ACVR1B: variants seen among roughly 807,000 people sequenced by gnomAD.
The protein encoded by ACVR1B is activin A receptor type 1B.
ACVR1B carries 15 observed loss-of-function variants against 55.6 expected under a neutral mutation model. That is an observed-to-expected ratio of 0.27 (90% CI 0.18 to 0.42). ACVR1B has a LOEUF of 0.42. Ranked by LOEUF, ACVR1B falls within the 10% of genes least tolerant of loss-of-function variation. ACVR1B has a pLI of 1.00. For synonymous variants in ACVR1B, 247 were observed against 254.6 expected (o/e 0.97, Z 0.28); for missense variants, 359 against 670.1 (o/e 0.54, Z 5.13).
At chr12:51,976,230 A>G (rs1941850683) in intron 2 of ACVR1B, 97 bp from the exon 3 acceptor site, 1 of 1,420,570 alleles carries the variant, frequency 7.0e-7, no homozygotes, top group South Asian at 1.2e-5. Flanking sequence ...CGACAGGGAA[A>G]GGGGTCTTTT....
chr12:51,995,183 G>A lies in ACVR1B; in HGVS notation c.*1073G>A, dbSNP rs1010392716. ...GCCGAGGAATGTGAAGCCAGATCTC[G>A]GGACTCAGATTGGAATGTTACATCT... On this transcript the variant is annotated 3_prime_UTR_variant, in exon 9 of 9. Transcript: ENST00000257963. 6.6e-6 allele frequency: 1 copy of A among 152,580 alleles called. No homozygotes were observed. Among genetic ancestry groups the A allele is most frequent in the Admixed American group, 6.6e-5 (1 of 15,262 alleles). 9.5% of individuals were successfully genotyped at this position (152,580 alleles called of 1,614,324 possible). A position where few individuals can be genotyped will look rare whatever the true frequency, so the allele number is the denominator to read the frequency against.
chr12:51,992,065 TG>T (rs779833112), intron 8 of ACVR1B, 72 bp downstream of exon 8: 2 of 1,604,994 alleles, frequency 1.2e-6, no homozygotes, highest in Non-Finnish European at 1.7e-6. Context: ...TTCTTGACAA[TG>T]GGGTCAGGCC....
chr12:51,958,314 G>A (rs1941450574), intron 1 of ACVR1B, among the ~76,000 whole-genome samples: 4 of 152,172 alleles, frequency 2.6e-5, no homozygotes, highest in Admixed American at 2.0e-4. Flanking sequence ...ATCAGGGACT[G>A]GTTTCGTGGA....
intron 4 of ACVR1B, among the ~76,000 whole-genome samples, chr12:51,982,099 G>T (rs1267302046): frequency 6.6e-6 from 1 of 152,198 alleles, no homozygotes; most frequent in Non-Finnish European, 1.5e-5. Flanking sequence ...TGACGAGTAA[G>T]GGTGATTAGA....
chr12:51,979,163 C>CA (rs1164099929), intron 3 of ACVR1B, among the ~76,000 whole-genome samples: 22,781 of 56,816 alleles, frequency 0.4, 4,325 homozygotes, highest in African/African-American at 0.51. Flanking sequence ...AGCTCCGTCT[C>CA]AAAAAAAAAA....
chr12:51,958,958 G>A (rs1941463806), intron 1 of ACVR1B, among the ~76,000 whole-genome samples: 1 of 152,222 alleles, frequency 6.6e-6, no homozygotes, highest in Non-Finnish European at 1.5e-5. Context: ...ACTAGGCATT[G>A]TTGCAGGTGT....
At chr12:51,952,082 T>G (rs1351218421) in intron 1 of ACVR1B, among the ~76,000 whole-genome samples, 1 of 152,064 alleles carries the variant, frequency 6.6e-6, no homozygotes, top group Non-Finnish European at 1.5e-5. Flanking sequence ...GGAACTGGAT[T>G]CGGGCAGTTC....
chr12:51,963,698 A>G (rs377254511), intron 1 of ACVR1B, among the ~76,000 whole-genome samples: 4 of 152,322 alleles, frequency 2.6e-5, no homozygotes, highest in African/African-American at 9.6e-5. Flanking sequence ...CATTTGATGG[A>G]CATTTGGGTG....
rs1399030725 is a variant in ACVR1B at position 51,951,709 on chromosome 12, GGGC to G, written c.-34_-32del. On this transcript the variant is annotated 5_prime_UTR_variant, in exon 1 of 9. Coordinates refer to ENST00000257963, the MANE Select transcript of ACVR1B (RefSeq NM_004302.5). Reference sequence around the variant, plus strand: ...GCGCGCGCGCGCGCTGGGCGCTGCTGGGCTGCGGCGGCGGCGGCGGCGGCGGTG... The same window carrying G: ...GCGCGCGCGCGCGCTGGGCGCTGCTGTGCGGCGGCGGCGGCGGCGGCGGTG... The G allele has an allele frequency of 7.5e-6, 8 of 1,063,640 alleles. No homozygotes were observed. The Admixed American group carries it at 7.6e-4, about 101-fold the overall frequency. 65.9% of individuals were successfully genotyped at this position (1,063,640 alleles called of 1,614,324 possible).
At chr12:51,985,453 G>T in intron 6 of ACVR1B, 105 bp downstream of exon 6, 1 of 1,371,338 alleles carries the variant, frequency 7.3e-7, no homozygotes, top group Non-Finnish European at 9.9e-7. Context: ...AAAAGGAGGC[G>T]AGGACCTTGC....
chr12:51,980,003 A>G (rs1941946456), intron 3 of ACVR1B, among the ~76,000 whole-genome samples: 1 of 152,178 alleles, frequency 6.6e-6, no homozygotes, highest in Non-Finnish European at 1.5e-5. Flanking sequence ...TACTGTTGTC[A>G]TTAAAAGCAT....
At chr12:51,978,934 C>T (rs747873059) in intron 3 of ACVR1B, among the ~76,000 whole-genome samples, 48 of 151,298 alleles carry the variant, frequency 3.2e-4, no homozygotes, top group Non-Finnish European at 4.4e-4. Flanking sequence ...GTCTTGAGGC[C>T]GGGCAGATCA....
intron 7 of ACVR1B, 176 bp downstream of exon 7, chr12:51,987,118 A>G: frequency 1.2e-6 from 1 of 831,672 alleles, no homozygotes; most frequent in South Asian, 1.4e-5. Context: ...GGGTGCGTTT[A>G]TTCTTCAGGG....
Position 51,977,202 on chromosome 12 carries a change from G to A in ACVR1B, c.580+627G>A, listed in dbSNP as rs536372074. Among the ~76,000 whole-genome samples the A allele has an allele frequency of 2.3e-3, 357 of 152,312 alleles. 1 individual carries two copies. Among genetic ancestry groups the A allele is most frequent in the African/African-American group, 8.2e-3 (341 of 41,552 alleles). ...ACCTTGGCATAAGACGAGAATTTAA[G>A]ATAAAGGAGCTCGGGGTTGTTTAGG... On this transcript the variant is annotated intron_variant, in intron 3 of 8. Coordinates refer to ENST00000257963, the MANE Select transcript of ACVR1B (RefSeq NM_004302.5).
chr12:51,962,004 C>T (rs1011224169), intron 1 of ACVR1B, among the ~76,000 whole-genome samples: 14 of 152,318 alleles, frequency 9.2e-5, no homozygotes, highest in Admixed American at 9.2e-4. Flanking sequence ...GTTGCAATGA[C>T]AGGTCTCCTT....
intron 3 of ACVR1B, among the ~76,000 whole-genome samples, chr12:51,980,730 AG>A (rs1941962138): frequency 6.6e-6 from 1 of 152,142 alleles, no homozygotes; most frequent in Admixed American, 6.5e-5. Context: ...CTAGATAAGG[AG>A]TAGCTAATCA....
intron 1 of ACVR1B, among the ~76,000 whole-genome samples, chr12:51,965,570 C>T (rs545482463): frequency 1.5e-4 from 23 of 152,054 alleles, no homozygotes; most frequent in Non-Finnish European, 2.6e-4. Context: ...GGGGAGGATG[C>T]GGCTGCATCA....
chr12:51,961,906 A>G (rs115645619), intron 1 of ACVR1B, among the ~76,000 whole-genome samples: 2,075 of 152,196 alleles, frequency 0.014, 41 homozygotes, highest in African/African-American at 0.048. Context: ...AATGAGGCCC[A>G]CTCATTTCAG....
chr12:51,994,407 C>T lies in ACVR1B; in HGVS notation c.*297C>T, dbSNP rs1942260098. 1 of 353,574 alleles carries T rather than the reference C, an allele frequency of 2.8e-6. No individual in the cohort carries two copies. Among genetic ancestry groups the T allele is most frequent in the East Asian group, 6.7e-5 (1 of 14,924 alleles). The allele number at this position is 353,574 out of a possible 1,614,324, so 21.9% of individuals were successfully genotyped here. ...GGAAGTCCCGCGAAACCCGGTGCAT[C>T]TGGCACGTGGCCAGGAGCCATGACA... On this transcript the variant is annotated 3_prime_UTR_variant, in exon 9 of 9. Transcript: ENST00000257963. This position sits in a 1 kb window ranked among gnomAD's most constrained non-coding sequence, Gnocchi z 4.2.
Sources: gnomAD v4.1 joint callset for allele counts (sites outside exome capture counted in the v4.1 genomes callset) on GRCh38, gnomAD v4.1.1 for gene constraint, Gnocchi (gnomAD v3.1) non-coding constraint, MANE v1.5 for transcripts, NCBI Gene and HGNC (gene_info 2026-07-23, HGNC 2026-07-21) for gene names.